Variants in VPS13D observed in about 807,000 individuals in gnomAD.
The protein encoded by VPS13D is intermembrane lipid transfer protein VPS13D.
Under a neutral mutation model 461.9 loss-of-function variants are expected in VPS13D, and 187 were observed. That is an observed-to-expected ratio of 0.40 (90% confidence interval 0.36 to 0.46). The LOEUF is 0.46. Ranked by LOEUF, VPS13D falls within the 20% of genes least tolerant of loss-of-function variation. VPS13D has a pLI of 0.60. For synonymous variants in VPS13D, 1,951 were observed against 1,986.3 expected (o/e 0.98, Z 0.47); for missense variants, 4,711 against 5,364.9 (o/e 0.88, Z 3.81).
chr1:12,326,269 A>T, intron 35 of VPS13D, among the ~76,000 whole-genome samples: 1 of 133,582 alleles, frequency 7.5e-6, no homozygotes, highest in African/African-American at 3.0e-5. Flanking sequence ...TTTCTTTAAC[A>T]ATTCGAGCAC....
chr1:12,262,351 T>C (rs1365773981), intron 13 of VPS13D, among the ~76,000 whole-genome samples: 5 of 152,238 alleles, frequency 3.3e-5, no homozygotes, highest in Non-Finnish European at 5.9e-5. Context: ...AGACAGTCCT[T>C]GACTTAGGAT....
intron 23 of VPS13D, among the ~76,000 whole-genome samples, chr1:12,292,250 G>A (rs1174057583): frequency 1.2e-5 from 1 of 81,146 alleles, no homozygotes; most frequent in South Asian, 4.6e-4. Context: ...TGACAAGAGC[G>A]AAACTCCATC....
chr1:12,322,018 T>C, intron 33 of VPS13D, 54 bp downstream of exon 33: 2 of 1,585,608 alleles, frequency 1.3e-6, no homozygotes, highest in Middle Eastern at 1.7e-4. Flanking sequence ...CACTGTCCTA[T>C]GCAGGCACTC....
rs1557701433 is a variant in VPS13D, at chr1:12,310,906, TC to T, written c.6651-546del. 9.1e-3 allele frequency among the ~76,000 whole-genome samples: 1,281 copies of T among 141,298 alleles called. 22 individuals are homozygous for T. The highest frequency in any genetic ancestry group is 0.03 in the African/African-American group (1,144 of 37,604). 92.7% of individuals were successfully genotyped at this position (141,298 alleles called of 152,430 possible). A position where few individuals can be genotyped will look rare whatever the true frequency, so the allele number is the denominator to read the frequency against. On this transcript the variant is annotated intron_variant, in intron 27 of 69. Coordinates refer to ENST00000620676, the MANE Select transcript of VPS13D (RefSeq NM_015378.4). ...CTCCTTCCCTCCTTCCCTCCTTCCC[TC>T]CTTCCCTCCCTCTCTCCCTCTCTCC...
At chr1:12,253,085 G>A (rs1640791257) in intron 6 of VPS13D, among the ~76,000 whole-genome samples, 1 of 151,620 alleles carries the variant, frequency 6.6e-6, no homozygotes, top group Non-Finnish European at 1.5e-5. Context: ...TTGAACCTGG[G>A]AGGTGGGGGT....
At chr1:12,416,596 C>T (rs969192869) in intron 64 of VPS13D, 64 bp from the exon 65 acceptor site, 2 of 1,520,628 alleles carry the variant, frequency 1.3e-6, no homozygotes, top group Admixed American at 4.0e-5. Flanking sequence ...TCGCTTGGGA[C>T]ACTGGTATCT....
At chr1:12,497,421 C>G (rs1557478230) in intron 67 of VPS13D, 79 bp from the exon 68 acceptor site, 3 of 1,516,696 alleles carry the variant, frequency 2.0e-6, no homozygotes, top group East Asian at 4.6e-5. Flanking sequence ...TTACAGAGTG[C>G]TTTTGTCTTA....
At chr1:12,301,537 G>C (rs569834837) in intron 25 of VPS13D, among the ~76,000 whole-genome samples, 76 of 152,352 alleles carry the variant, frequency 5.0e-4, no homozygotes, top group African/African-American at 1.8e-3. Context: ...TTTGTGCCAT[G>C]GAATTGGGGT....
Position 12,507,241 on chromosome 1 carries a change from G to A in VPS13D, c.13035+148G>A. The A allele has an allele frequency of 7.0e-7, 1 of 1,422,398 alleles. No homozygotes were observed. Among genetic ancestry groups the A allele is most frequent in the East Asian group, 2.3e-5 (1 of 43,978 alleles). The allele number at this position is 1,422,398 out of a possible 1,614,324, so 88.1% of individuals were successfully genotyped here. On this transcript the variant is annotated intron_variant, in intron 69 of 69. Coordinates refer to ENST00000620676, the MANE Select transcript of VPS13D (RefSeq NM_015378.4). The surrounding 1 kb of genome is among the most constrained non-coding windows in gnomAD (Gnocchi z 5.3). ...TGCTGCCTCTCAGTCCTGAACATGG[G>A]AGGGGCCCAGGGTATGTTCACGGGG...
At chr1:12,244,698 C>A in intron 5 of VPS13D, 81 bp downstream of exon 5, 1 of 1,352,226 alleles carries the variant, frequency 7.4e-7, no homozygotes, top group South Asian at 1.2e-5. Flanking sequence ...CTTAGTTTCT[C>A]ATTTCTCGTG....
Position 12,276,253 on chromosome 1 carries a change from G to A in VPS13D, c.2665G>A (p.Asp889Asn). 1 of 1,614,020 alleles carries A rather than the reference G, an allele frequency of 6.2e-7. No individual in the cohort carries two copies. The highest frequency in any genetic ancestry group is 8.5e-7 in the Non-Finnish European group (1 of 1,180,004). The change falls in exon 19 of 70, where the codon GAT becomes AAT. Residue 889 changes from aspartate to asparagine, a missense_variant. Around this residue, in one of 3 missense-constraint regions of VPS13D, gnomAD observed 4,411 missense variants for 4,937.8 expected, o/e 0.89. Coordinates refer to ENST00000620676, the MANE Select transcript of VPS13D (RefSeq NM_015378.4). The surrounding 1 kb of genome is among the most constrained non-coding windows in gnomAD (Gnocchi z 4.5). ...AGACTTAAAAATCCACATTAATGAA[G>A]ATAAAATATCTGCACTAAAGAATTG... ...LPDLKIHINE[D>N]KISALKNCFA... is the part of the protein sequence containing the mutation.
rs534040221 is a variant in VPS13D at position 12,438,632 on chromosome 1, A to G, written c.12334-17366A>G. ...TCAGCACCCAGCCCTTGCCGACCAC[A>G]TGAAACCTAAGATCTCACCTCCTCC... is the stretch of plus-strand genomic sequence containing the variant. On this transcript the variant is annotated intron_variant, in intron 65 of 69. Transcript: ENST00000620676. 2.0e-5 allele frequency among the ~76,000 whole-genome samples: 3 copies of G among 152,306 alleles called. No individual in the cohort carries two copies. The East Asian group carries it at 5.8e-4, about 29-fold the overall frequency.
intron 58 of VPS13D, among the ~76,000 whole-genome samples, chr1:12,383,568 A>G (rs755920693): frequency 6.6e-6 from 1 of 152,192 alleles, no homozygotes; most frequent in East Asian, 1.9e-4. Context: ...AAGGATTTGT[A>G]TTCCCAGATT....
At chr1:12,436,763 G>T (rs1478397564) in intron 65 of VPS13D, among the ~76,000 whole-genome samples, 1 of 152,118 alleles carries the variant, frequency 6.6e-6, no homozygotes, top group Non-Finnish European at 1.5e-5. Flanking sequence ...CCGCCTCCCA[G>T]ATTCAAGCAA....
At chr1:12,330,602 C>G (rs1643304923) in intron 37 of VPS13D, among the ~76,000 whole-genome samples, 1 of 152,110 alleles carries the variant, frequency 6.6e-6, no homozygotes, top group South Asian at 2.1e-4. Flanking sequence ...GAGTCTCACT[C>G]TGTCACCCAG....
In VPS13D at chr1:12,345,361, TTC is replaced by T; in HGVS notation, c.8886-11_8886-10del. ...ATTGTGCCTAATATCTTTTTCTTTG[TTC>T]TGCCTGACAGACACACCCATGACCT... On this transcript the variant is annotated splice_polypyrimidine_tract_variant and intron_variant, in intron 42 of 69. Coordinates refer to ENST00000620676, the MANE Select transcript of VPS13D (RefSeq NM_015378.4). 1 of 1,600,740 alleles carries T rather than the reference TTC, an allele frequency of 6.2e-7. No homozygotes were observed. Among genetic ancestry groups the T allele is most frequent in the Non-Finnish European group, 8.5e-7 (1 of 1,169,744 alleles).
intron 67 of VPS13D, among the ~76,000 whole-genome samples, chr1:12,491,105 T>C (rs1645874848): frequency 6.6e-6 from 1 of 152,210 alleles, no homozygotes. Flanking sequence ...TCGTTCTCAG[T>C]CTAATTGTGC....
intron 66 of VPS13D, 131 bp from the exon 67 acceptor site, chr1:12,460,070 G>C (rs529340943): frequency 5.5e-6 from 4 of 729,862 alleles, no homozygotes; most frequent in Non-Finnish European, 8.1e-6. Flanking sequence ...GAGTTGGCCT[G>C]TCTGTGGCCT....
intron 47 of VPS13D, among the ~76,000 whole-genome samples, chr1:12,354,490 C>T (rs997839114): frequency 3.9e-5 from 6 of 152,090 alleles, no homozygotes; most frequent in South Asian, 2.1e-4. Flanking sequence ...GCTATGTTCA[C>T]GCTACTGCCC....
Sources: gnomAD v4.1 joint callset for allele counts (sites outside exome capture counted in the v4.1 genomes callset) on GRCh38, gnomAD v4.1.1 for gene constraint, gnomAD v4.1.1 regional missense constraint, Gnocchi (gnomAD v3.1) non-coding constraint, MANE v1.5 for transcripts, NCBI Gene and HGNC (gene_info 2026-07-23, HGNC 2026-07-21) for gene names.